The following MAST4 variants were observed in gnomAD, a reference collection of about 807,000 sequenced individuals.
MAST4 encodes microtubule-associated serine/threonine-protein kinase 4.
A neutral mutation model predicts 162.7 loss-of-function variants in MAST4; 89 were observed. That is an observed-to-expected ratio of 0.55 (90% confidence interval 0.46 to 0.65). The LOEUF is 0.65. Among genes scored for constraint, MAST4 ranks in the 30% least tolerant of loss-of-function variants. The pLI is 0.00. For missense variants in MAST4, 3,153 were observed against 3,374.0 expected, an observed-to-expected ratio of 0.93 and a Z score of 1.62; for synonymous variants, 1,479 against 1,361.1, an observed-to-expected ratio of 1.09 and a Z score of -1.91.
chr5:67,122,577 G>A (rs544130462), intron 14 of MAST4, among the ~76,000 whole-genome samples: 2 of 152,104 alleles, frequency 1.3e-5, no homozygotes, highest in South Asian at 4.2e-4. Context: ...TTACACTTTT[G>A]GAAATGACCT....
chr5:66,955,491 C>T (rs1745204192), intron 4 of MAST4, among the ~76,000 whole-genome samples: 1 of 152,036 alleles, frequency 6.6e-6, no homozygotes, highest in African/African-American at 2.4e-5. Flanking sequence ...TGAGACTCTT[C>T]TTCAATTTTT....
At chr5:66,835,911 T>C (rs932982219) in intron 3 of MAST4, among the ~76,000 whole-genome samples, 2 of 152,148 alleles carry the variant, frequency 1.3e-5, no homozygotes, top group African/African-American at 4.8e-5. Flanking sequence ...GGCTCACACC[T>C]GTAATCCCAA....
At chr5:67,125,617 G>A (rs1036260274) in intron 14 of MAST4, among the ~76,000 whole-genome samples, 1 of 152,162 alleles carries the variant, frequency 6.6e-6, no homozygotes, top group African/African-American at 2.4e-5. Flanking sequence ...ATTCCATGGT[G>A]TATACATGCC....
At chr5:66,921,767 A>G (rs902464989) in intron 4 of MAST4, among the ~76,000 whole-genome samples, 1 of 152,204 alleles carries the variant, frequency 6.6e-6, no homozygotes, top group African/African-American at 2.4e-5. Flanking sequence ...CAAAAGAAAA[A>G]TATGAATCAA....
At chr5:66,711,767 G>A (rs1044927965) in intron 1 of MAST4, among the ~76,000 whole-genome samples, 8 of 152,114 alleles carry the variant, frequency 5.3e-5, no homozygotes, top group African/African-American at 9.7e-5. Context: ...CCCAGGAGGC[G>A]GAGGTTGCAG....
rs1254055992 is a variant in MAST4 at position 67,049,037 on chromosome 5, A to ACACG, written c.675-5367_675-5366insCACG. On this transcript the variant is annotated intron_variant, in intron 4 of 28. Transcript: ENST00000403625. ...TATATATATACGTATATATATATAT[A>ACACG]TATACGTGTATATATATATATACGT... 1.5e-3 allele frequency among the ~76,000 whole-genome samples: 158 copies of ACACG among 107,730 alleles called. 1 individual carries two copies. The highest frequency in any genetic ancestry group is 6.7e-3 in the African/African-American group (157 of 23,574). 70.7% of individuals were successfully genotyped at this position (107,730 alleles called of 152,430 possible). A position where few individuals can be genotyped will look rare whatever the true frequency, so the allele number is the denominator to read the frequency against.
At chr5:66,781,955 C>T (rs1045262486) in intron 2 of MAST4, among the ~76,000 whole-genome samples, 3 of 152,078 alleles carry the variant, frequency 2.0e-5, no homozygotes, top group Admixed American at 6.6e-5. Flanking sequence ...TATTTTTCTA[C>T]TTCAGAGGGA....
chr5:66,712,037 T>C (rs1327046513), intron 1 of MAST4, among the ~76,000 whole-genome samples: 1 of 152,226 alleles, frequency 6.6e-6, no homozygotes, highest in Non-Finnish European at 1.5e-5. Context: ...TGTGTGAAGA[T>C]ACTATCATTT....
Position 67,167,073 on chromosome 5 carries a change from A to ACTGTGGAGACCCGTC in MAST4, c.*26_*40dup. The ACTGTGGAGACCCGTC allele has an allele frequency of 6.5e-7, 1 of 1,548,544 alleles. No homozygotes were observed. The highest frequency in any genetic ancestry group is 1.2e-5 in the South Asian group (1 of 81,278). ...GTAACGGGGAGGGCCCAGGGGCAGGACTGTGGAGACCCGTCCTGAACGGGC... is the reference window on the plus strand; with the variant it reads ...GTAACGGGGAGGGCCCAGGGGCAGGACTGTGGAGACCCGTCCTGTGGAGACCCGTCCTGAACGGGC... On this transcript the variant is annotated 3_prime_UTR_variant, in exon 29 of 29. Coordinates refer to ENST00000403625, the MANE Select transcript of MAST4 (RefSeq NM_001164664.2).
intron 1 of MAST4, among the ~76,000 whole-genome samples, chr5:66,674,793 T>G (rs1435984717): frequency 6.6e-6 from 1 of 152,190 alleles, no homozygotes; most frequent in Non-Finnish European, 1.5e-5. Context: ...AATTCTAGAT[T>G]GATTAATCAA....
At chr5:67,112,085 C>T (rs1396914099) in intron 11 of MAST4, among the ~76,000 whole-genome samples, 2 of 151,872 alleles carry the variant, frequency 1.3e-5, no homozygotes, top group Non-Finnish European at 2.9e-5. Flanking sequence ...TTAAAAACTC[C>T]TGAGTAATTC....
chr5:66,804,998 G>C (rs544837060), intron 3 of MAST4, among the ~76,000 whole-genome samples: 3 of 152,130 alleles, frequency 2.0e-5, no homozygotes, highest in African/African-American at 7.2e-5. Flanking sequence ...TTTTTCCAGA[G>C]GTTTGTCTAC....
chr5:67,082,888 C>G (rs576696515), intron 5 of MAST4, among the ~76,000 whole-genome samples: 1 of 152,302 alleles, frequency 6.6e-6, no homozygotes, highest in Admixed American at 6.5e-5. Flanking sequence ...ATTCTTACAA[C>G]TTTCCTCTAA....
At chr5:66,707,825 G>A (rs1242138323) in intron 1 of MAST4, among the ~76,000 whole-genome samples, 1 of 152,166 alleles carries the variant, frequency 6.6e-6, no homozygotes, top group Non-Finnish European at 1.5e-5. Context: ...ACCAAGGGCA[G>A]GGGTGTGTGC....
chr5:66,814,861 A>G (rs1213368377), intron 3 of MAST4, among the ~76,000 whole-genome samples: 1 of 151,992 alleles, frequency 6.6e-6, no homozygotes, highest in Non-Finnish European at 1.5e-5. Context: ...TTTTTTCCCC[A>G]CAAAAGTTGG....
intron 14 of MAST4, 142 bp from the exon 15 acceptor site, chr5:67,130,068 T>A: frequency 1.4e-6 from 1 of 714,946 alleles, no homozygotes; most frequent in Non-Finnish European, 2.3e-6. Flanking sequence ...ATGGGATGTT[T>A]GTAGCTGCCA....
intron 4 of MAST4, among the ~76,000 whole-genome samples, chr5:66,962,450 G>C (rs1746133868): frequency 6.6e-6 from 1 of 152,236 alleles, no homozygotes. Context: ...GCTTACGCCT[G>C]TAATCCCAGC....
At chr5:67,075,130 T>C (rs1490352543) in intron 5 of MAST4, among the ~76,000 whole-genome samples, 1 of 151,778 alleles carries the variant, frequency 6.6e-6, no homozygotes, top group African/African-American at 2.4e-5. Context: ...TGCTGGAGGT[T>C]AGTGTATGAT....
chr5:66,651,366 C>A (rs886659188), intron 1 of MAST4, among the ~76,000 whole-genome samples: 3 of 151,788 alleles, frequency 2.0e-5, no homozygotes, highest in African/African-American at 7.3e-5. Context: ...TATACTTTTC[C>A]CCCTGAGGAC....
Sources: allele counts gnomAD v4.1 joint callset (sites outside exome capture counted in the v4.1 genomes callset), GRCh38; gene constraint gnomAD v4.1.1; transcripts MANE v1.5; gene names NCBI Gene and HGNC (gene_info 2026-07-23, HGNC 2026-07-21).